Variants in PHYHIPL observed in about 807,000 individuals in gnomAD.
PHYHIPL encodes the protein phytanoyl-CoA hydroxylase-interacting protein-like.
PHYHIPL carries 9 observed loss-of-function variants against 33.4 expected under a neutral mutation model. The observed-to-expected ratio is 0.27, with a 90% CI of 0.16 to 0.47. The LOEUF (loss-of-function observed/expected upper bound fraction) is 0.47, where lower values mean the gene tolerates loss of function less well. PHYHIPL is among the 20% of genes least tolerant of loss of function. PHYHIPL has a pLI of 0.99. For missense variants in PHYHIPL, 365 were observed against 460.7 expected (o/e 0.79, Z 1.90); for synonymous variants, 153 against 154.1 (o/e 0.99, Z 0.05).
intron 4 of PHYHIPL, among the ~76,000 whole-genome samples, chr10:59,242,107 C>T (rs890949564): frequency 6.6e-6 from 1 of 152,204 alleles, no homozygotes; most frequent in African/African-American, 2.4e-5. Context: ...ACACCCTTCT[C>T]CTTCCATCCT....
chr10:59,177,536 A>G (rs1838286800), intron 1 of PHYHIPL: 2 of 1,551,562 alleles, frequency 1.3e-6, no homozygotes, highest in East Asian at 4.9e-5. Context: ...GGACAGACAC[A>G]ATCTTCATGG....
chr10:59,198,874 T>C (rs1204680313), intron 1 of PHYHIPL, among the ~76,000 whole-genome samples: 1 of 152,248 alleles, frequency 6.6e-6, no homozygotes, highest in East Asian at 1.9e-4. Context: ...TGTCTGTTCA[T>C]ATCCTTTGCC....
chr10:59,188,388 A>G (rs1564701878), intron 1 of PHYHIPL, among the ~76,000 whole-genome samples: 1 of 152,090 alleles, frequency 6.6e-6, no homozygotes, highest in Non-Finnish European at 1.5e-5. Flanking sequence ...ACTTCCAACT[A>G]TGTGGTTAAT....
chr10:59,206,784 C>G (rs1294577949), intron 1 of PHYHIPL: 10 of 1,233,394 alleles, frequency 8.1e-6, no homozygotes, highest in Non-Finnish European at 1.0e-5. Flanking sequence ...TCCAAACAGA[C>G]AAGAAAAGGA....
chr10:59,227,975 G>GAGAGAGATATATATATAT (rs10530291), intron 1 of PHYHIPL, among the ~76,000 whole-genome samples: 1 of 145,490 alleles, frequency 6.9e-6, no homozygotes, highest in African/African-American at 2.7e-5. Flanking sequence ...TGCCTATTGA[G>GAGAGAGATATATATATAT]ATATATATAT....
intron 1 of PHYHIPL, among the ~76,000 whole-genome samples, chr10:59,225,605 A>G (rs1471204167): frequency 1.3e-5 from 2 of 152,198 alleles, no homozygotes; most frequent in Non-Finnish European, 2.9e-5. Flanking sequence ...GAATACTGGT[A>G]GTAGAAAGCC....
chr10:59,231,251 A>G (rs1026314150), intron 1 of PHYHIPL, among the ~76,000 whole-genome samples: 1 of 152,166 alleles, frequency 6.6e-6, no homozygotes, highest in African/African-American at 2.4e-5. Context: ...CAGTAATATT[A>G]GTAAATGTAG....
rs369660554 is a variant in PHYHIPL at position 59,194,079 on chromosome 10, TG to T, written c.106+17121del. 8.6e-3 allele frequency among the ~76,000 whole-genome samples: 1,255 copies of T among 146,746 alleles called. 19 individuals are homozygous for T. The highest frequency in any genetic ancestry group is 0.029 in the African/African-American group (1,151 of 39,166). ...TTGTAGAAGTATTTCTTTACCTATA[TG>T]TTTTTTTTTTTTTTTTTTTTTGAGG... On this transcript the variant is annotated intron_variant, in intron 1 of 4. Coordinates refer to ENST00000373880, the MANE Select transcript of PHYHIPL (RefSeq NM_032439.4).
At chr10:59,183,322 T>C (rs1838465703) in intron 1 of PHYHIPL, among the ~76,000 whole-genome samples, 2 of 152,186 alleles carry the variant, frequency 1.3e-5, no homozygotes. Context: ...GAGATTAGTA[T>C]AAAGCAAAAA....
chr10:59,231,775 T>G (rs1342811108), intron 1 of PHYHIPL, among the ~76,000 whole-genome samples: 1 of 152,114 alleles, frequency 6.6e-6, no homozygotes, highest in Non-Finnish European at 1.5e-5. Context: ...TAGTAGAGAA[T>G]GTACCACATA....
chr10:59,192,841 G>A (rs1235131985), intron 1 of PHYHIPL, among the ~76,000 whole-genome samples: 1 of 152,038 alleles, frequency 6.6e-6, no homozygotes, highest in Non-Finnish European at 1.5e-5. Context: ...TTAACTGGGG[G>A]GAATATTAAA....
At chr10:59,206,860 C>T (rs1199991163) in intron 1 of PHYHIPL, 2 of 1,044,660 alleles carry the variant, frequency 1.9e-6, no homozygotes, top group Non-Finnish European at 2.4e-6. Context: ...TGCACTTCAT[C>T]TCCTGCACTA....
chr10:59,233,214 T>C (rs1451772505), intron 1 of PHYHIPL, among the ~76,000 whole-genome samples: 1 of 151,882 alleles, frequency 6.6e-6, no homozygotes, highest in African/African-American at 2.4e-5. Context: ...ACAACATGGG[T>C]CAAAGATTTA....
Position 59,198,476 on chromosome 10 carries a change from C to T in PHYHIPL, c.106+21517C>T, listed in dbSNP as rs182592761. On this transcript the variant is annotated intron_variant, in intron 1 of 4. Coordinates refer to ENST00000373880, the MANE Select transcript of PHYHIPL (RefSeq NM_032439.4). The stretch of plus-strand genomic sequence containing the variant: ...TCATTGATGGACATTTGGGTTGGTT[C>T]CAAGTCTTTGCTATTGTGAATAGTG... Among the ~76,000 whole-genome samples, 92 of 152,096 alleles carry T rather than the reference C, an allele frequency of 6.0e-4. 2 individuals carry two copies. In the East Asian group the frequency reaches 0.016, roughly 27 times the overall value.
At chr10:59,206,895 T>C (rs1839298356) in intron 1 of PHYHIPL, 1 of 755,832 alleles carries the variant, frequency 1.3e-6, no homozygotes, top group Non-Finnish European at 1.7e-6. Flanking sequence ...TTCCCCAAAT[T>C]ATGGAAAGTG....
At chr10:59,236,903 C>T (rs1324680489) in intron 3 of PHYHIPL, among the ~76,000 whole-genome samples, 1 of 151,344 alleles carries the variant, frequency 6.6e-6, no homozygotes, top group East Asian at 1.9e-4. Context: ...TTGATTTCTT[C>T]AAGATGAAAG....
intron 1 of PHYHIPL, among the ~76,000 whole-genome samples, chr10:59,189,786 G>A (rs1359024428): frequency 6.6e-6 from 1 of 151,846 alleles, no homozygotes; most frequent in African/African-American, 2.4e-5. Flanking sequence ...TTTATTGAGG[G>A]TTAAAAGTAA....
intron 1 of PHYHIPL, among the ~76,000 whole-genome samples, chr10:59,203,626 A>T (rs1392617145): frequency 1.3e-5 from 2 of 152,106 alleles, no homozygotes; most frequent in Non-Finnish European, 2.9e-5. Flanking sequence ...AGGGACATGG[A>T]TGAAGCTGGA....
rs747292235 is a variant in PHYHIPL at position 59,245,611 on chromosome 10, TACTC to T, written c.*22_*25del. 43 of 1,559,308 alleles carry T rather than the reference TACTC, an allele frequency of 2.8e-5. No homozygotes were observed. The highest frequency in any genetic ancestry group is 3.8e-5 in the South Asian group (3 of 79,790). On this transcript the variant is annotated 3_prime_UTR_variant, in exon 5 of 5. Transcript: ENST00000373880. ...CGTTAATGCCCACTTTTCTTATTCTTACTCAGCCCCTTTTCCTCCCTTAGGAGCA... is the reference window on the plus strand; with the variant it reads ...CGTTAATGCCCACTTTTCTTATTCTTAGCCCCTTTTCCTCCCTTAGGAGCA...
Sources: gnomAD v4.1 joint callset for allele counts (sites outside exome capture counted in the v4.1 genomes callset) on GRCh38, gnomAD v4.1.1 for gene constraint, MANE v1.5 for transcripts, NCBI Gene and HGNC (gene_info 2026-07-23, HGNC 2026-07-21) for gene names.